Variants in GRIK2 observed in about 807,000 individuals in gnomAD.
GRIK2 encodes glutamate receptor ionotropic, kainate 2.
A neutral mutation model predicts 100.3 loss-of-function variants in GRIK2; 32 were observed. The ratio of observed to expected loss-of-function variants is 0.32; its 90% confidence interval spans 0.24 to 0.43. The LOEUF is 0.43. GRIK2 is among the 20% of genes least tolerant of loss of function. The pLI is 1.00. For missense variants in GRIK2, 843 were observed against 1,114.9 expected (o/e 0.76, Z 3.47); for synonymous variants, 417 against 389.4 (o/e 1.07, Z -0.83).
At chr6:101,583,531 G>T (rs531449782) in intron 2 of GRIK2, among the ~76,000 whole-genome samples, 8 of 152,048 alleles carry the variant, frequency 5.3e-5, no homozygotes, top group African/African-American at 1.7e-4. Context: ...TGTACAATTT[G>T]CCCTCTAGTC....
intron 2 of GRIK2, among the ~76,000 whole-genome samples, chr6:101,574,075 G>T (rs977851783): frequency 2.0e-5 from 3 of 151,262 alleles, no homozygotes; most frequent in African/African-American, 7.3e-5. Flanking sequence ...TTTAGGTCTT[G>T]ATTGTATTTT....
intron 12 of GRIK2, among the ~76,000 whole-genome samples, chr6:101,908,602 G>A (rs2518212): frequency 0.026 from 3,922 of 151,326 alleles, 168 homozygotes; most frequent in African/African-American, 0.091. Flanking sequence ...AGAGTAAATA[G>A]ATATTAGAAC....
intron 2 of GRIK2, among the ~76,000 whole-genome samples, chr6:101,528,396 G>A (rs1192944074): frequency 6.6e-6 from 1 of 152,118 alleles, no homozygotes; most frequent in African/African-American, 2.4e-5. Context: ...ACATTATGTG[G>A]GAAGAATAAA....
intron 2 of GRIK2, among the ~76,000 whole-genome samples, chr6:101,535,252 A>G (rs1775634256): frequency 6.6e-6 from 1 of 151,806 alleles, no homozygotes; most frequent in Non-Finnish European, 1.5e-5. Flanking sequence ...TGATATCTCT[A>G]AATCTTGGCT....
At chr6:101,437,096 A>G (rs1278593615) in intron 2 of GRIK2, among the ~76,000 whole-genome samples, 1 of 151,974 alleles carries the variant, frequency 6.6e-6, no homozygotes, top group Non-Finnish European at 1.5e-5. Context: ...TCCTTACTAC[A>G]GCCAATGGTT....
chr6:101,716,607 G>A (rs1355048334), intron 7 of GRIK2, among the ~76,000 whole-genome samples: 3 of 103,718 alleles, frequency 2.9e-5, no homozygotes, highest in African/African-American at 1.1e-4. Flanking sequence ...TCCTGGGGTG[G>A]GGGGAGGGGG....
chr6:101,806,403 A>G (rs773997994), intron 9 of GRIK2, among the ~76,000 whole-genome samples: 1 of 152,004 alleles, frequency 6.6e-6, no homozygotes, highest in Non-Finnish European at 1.5e-5. Flanking sequence ...CTGTACAACT[A>G]CATTGGAATT....
rs1487669067 is a variant in GRIK2, at chr6:101,584,631, A to T, written c.116-37318A>T. On this transcript the variant is annotated intron_variant, in intron 2 of 16. Coordinates refer to ENST00000369134, the MANE Select transcript of GRIK2 (RefSeq NM_021956.5). Reference sequence around the variant, plus strand: ...GTAAATAAGCATCAAAGTTGTTACTAGCTCCTTCTGTACTGTACAATTGTT... The same window carrying T: ...GTAAATAAGCATCAAAGTTGTTACTTGCTCCTTCTGTACTGTACAATTGTT... 4.6e-5 allele frequency among the ~76,000 whole-genome samples: 7 copies of T among 152,150 alleles called. No individual in the cohort carries two copies. In the East Asian group the frequency reaches 1.4e-3, roughly 29 times the overall value.
At chr6:101,864,736 T>A (rs1784945407) in intron 11 of GRIK2, among the ~76,000 whole-genome samples, 1 of 152,136 alleles carries the variant, frequency 6.6e-6, no homozygotes, top group Non-Finnish European at 1.5e-5. Flanking sequence ...TTCAACCCCA[T>A]GAGCTAGTTT....
At position 101,810,311 on chromosome 6, in the gene GRIK2, T is replaced by C. The variant is rs147976019; in HGVS notation, c.1203+7873T>C. On this transcript the variant is annotated intron_variant, in intron 9 of 16. Transcript: ENST00000369134. ...TCTTTAATTGTGCTTAGCATTAAAT[T>C]GCCCTAAACTAAAATAAAAATCTTA... is the stretch of plus-strand genomic sequence containing the variant. Among the ~76,000 whole-genome samples the C allele has an allele frequency of 2.7e-3, 412 of 152,114 alleles. 4 individuals carry two copies. Among genetic ancestry groups the C allele is most frequent in the Middle Eastern group, 0.014 (4 of 294 alleles).
chr6:101,797,961 G>A (rs1780420288), intron 7 of GRIK2, among the ~76,000 whole-genome samples: 1 of 149,772 alleles, frequency 6.7e-6, no homozygotes, highest in Non-Finnish European at 1.5e-5. Context: ...TTCAAAACAT[G>A]ATTTTTTAGT....
intron 7 of GRIK2, among the ~76,000 whole-genome samples, chr6:101,753,297 A>AAAAAAAAAG (rs1776915473): frequency 6.8e-6 from 1 of 147,246 alleles, no homozygotes. Context: ...AAAAAAAAAA[A>AAAAAAAAAG]AAAAAGAAAA....
At chr6:101,408,020 C>T (rs1457272993) in intron 2 of GRIK2, among the ~76,000 whole-genome samples, 1 of 152,016 alleles carries the variant, frequency 6.6e-6, no homozygotes, top group East Asian at 1.9e-4. Flanking sequence ...AGTGTTGGGA[C>T]AGATAATGGG....
intron 6 of GRIK2, among the ~76,000 whole-genome samples, chr6:101,684,270 G>A (rs1400287645): frequency 1.3e-5 from 2 of 152,092 alleles, no homozygotes; most frequent in Non-Finnish European, 2.9e-5. Flanking sequence ...AGATTTTGGG[G>A]AAATCAAAAG....
At chr6:101,502,622 A>C (rs1183820566) in intron 2 of GRIK2, among the ~76,000 whole-genome samples, 1 of 152,186 alleles carries the variant, frequency 6.6e-6, no homozygotes, top group Non-Finnish European at 1.5e-5. Context: ...TATCATAATT[A>C]CTTTGAAGAA....
intron 2 of GRIK2, among the ~76,000 whole-genome samples, chr6:101,462,373 G>T (rs901397169): frequency 6.6e-6 from 1 of 152,112 alleles, no homozygotes. Flanking sequence ...TGTTTCTCAG[G>T]AGAAGGTTGA....
At chr6:101,529,852 G>A (rs1008832109) in intron 2 of GRIK2, among the ~76,000 whole-genome samples, 1 of 152,110 alleles carries the variant, frequency 6.6e-6, no homozygotes, top group African/African-American at 2.4e-5. Flanking sequence ...TGTCTTAGCA[G>A]TATATCAAAG....
rs751845030 is a variant in GRIK2 at position 102,068,738 on chromosome 6, G to C, written c.*227G>C. ...CACGGGGTTACACTGTTAATCATGG[G>C]TTCCTCCCTTCTTCTGAGTGAATGT... On this transcript the variant is annotated 3_prime_UTR_variant, in exon 17 of 17. Transcript: ENST00000369134. The C allele has an allele frequency of 3.3e-5, 13 of 388,316 alleles. No homozygotes were observed. The highest frequency in any genetic ancestry group is 5.1e-5 in the Non-Finnish European group (11 of 214,620). The allele number at this position is 388,316 out of a possible 1,614,324, so 24.1% of individuals were successfully genotyped here. A position where few individuals can be genotyped will look rare whatever the true frequency, so the allele number is the denominator to read the frequency against.
chr6:101,833,700 A>C (rs929123051), intron 10 of GRIK2, among the ~76,000 whole-genome samples: 2 of 147,732 alleles, frequency 1.4e-5, no homozygotes, highest in Non-Finnish European at 3.0e-5. Context: ...ATATTAATTA[A>C]TTTTTGAATG....
Sources: gnomAD v4.1 joint callset for allele counts (sites outside exome capture counted in the v4.1 genomes callset) on GRCh38, gnomAD v4.1.1 for gene constraint, MANE v1.5 for transcripts, NCBI Gene and HGNC (gene_info 2026-07-23, HGNC 2026-07-21) for gene names.